Variants in NCAM2 observed in about 807,000 individuals in gnomAD.
NCAM2 encodes N-CAM-2.
A neutral mutation model predicts 98.1 loss-of-function variants in NCAM2; 30 were observed. The observed-to-expected ratio is 0.31, with a 90% CI of 0.23 to 0.41. The LOEUF (loss-of-function observed/expected upper bound fraction) is 0.41. NCAM2 is among the 10% of genes least tolerant of loss of function. The probability of loss-of-function intolerance (pLI) is 1.00; values close to 1 mark genes in which losing one functional copy is unlikely to be tolerated. For synonymous variants in NCAM2, 368 were observed against 342.4 expected (o/e 1.07, Z -0.83); for missense variants, 867 against 1,005.8 (o/e 0.86, Z 1.87).
intron 1 of NCAM2, among the ~76,000 whole-genome samples, chr21:21,238,694 G>A (rs1157431648): frequency 6.6e-6 from 1 of 152,082 alleles, no homozygotes; most frequent in African/African-American, 2.4e-5. Context: ...AAGAGTTAAA[G>A]CATGTAAAAA....
chr21:21,107,447 A>G (rs2066371813), intron 1 of NCAM2, among the ~76,000 whole-genome samples: 1 of 152,034 alleles, frequency 6.6e-6, no homozygotes, highest in Admixed American at 6.6e-5. Context: ...TGGTTTCACT[A>G]TTGAATAGGG....
chr21:21,288,041 A>T (rs752614092), intron 4 of NCAM2, among the ~76,000 whole-genome samples: 1 of 151,914 alleles, frequency 6.6e-6, no homozygotes, highest in South Asian at 2.1e-4. Context: ...AAAGTCTCTT[A>T]TATAAAAAGC....
Position 21,370,567 on chromosome 21 carries a change from TAG to T in NCAM2, c.1045-3295_1045-3294del, listed in dbSNP as rs555579662. On this transcript the variant is annotated intron_variant, in intron 8 of 17. Coordinates refer to ENST00000400546, the MANE Select transcript of NCAM2 (RefSeq NM_004540.5). Reference sequence around the variant, plus strand: ...TTCAATTTGAGTGAATGCATTTTTCTAGCCCCAGAACCCAGCAAAGTGTCTAT... The same window carrying T: ...TTCAATTTGAGTGAATGCATTTTTCTCCCCAGAACCCAGCAAAGTGTCTAT... 1.1e-4 allele frequency among the ~76,000 whole-genome samples: 17 copies of T among 151,950 alleles called. No homozygotes were observed. In the South Asian group the frequency reaches 3.5e-3, roughly 31 times the overall value.
At chr21:21,449,780 A>T (rs1006850018) in intron 12 of NCAM2, among the ~76,000 whole-genome samples, 2 of 152,060 alleles carry the variant, frequency 1.3e-5, no homozygotes, top group Admixed American at 1.3e-4. Context: ...CTAATCTTCT[A>T]TTTCAATAGT....
intron 5 of NCAM2, among the ~76,000 whole-genome samples, chr21:21,307,963 T>A (rs1039991971): frequency 2.6e-5 from 4 of 152,064 alleles, no homozygotes; most frequent in African/African-American, 9.7e-5. Context: ...AAAGTCTTTT[T>A]AAATCATGAT....
intron 15 of NCAM2, among the ~76,000 whole-genome samples, chr21:21,479,283 A>G (rs1473404322): frequency 6.6e-6 from 1 of 152,048 alleles, no homozygotes; most frequent in Non-Finnish European, 1.5e-5. Flanking sequence ...TGACTCTGCT[A>G]TCTTTGTAAG....
intron 1 of NCAM2, among the ~76,000 whole-genome samples, chr21:21,244,900 C>T (rs2826750): frequency 0.49 from 73,820 of 149,778 alleles, 18,782 homozygotes; most frequent in South Asian, 0.59. Flanking sequence ...ATGTGATATC[C>T]GTTAACTTCA....
At chr21:21,311,840 G>A (rs1386452779) in intron 5 of NCAM2, among the ~76,000 whole-genome samples, 1 of 151,944 alleles carries the variant, frequency 6.6e-6, no homozygotes, top group Non-Finnish European at 1.5e-5. Context: ...GATTTGATTT[G>A]GGGTGTTTTT....
chr21:21,105,529 C>CA (rs1443818393), intron 1 of NCAM2, among the ~76,000 whole-genome samples: 2 of 151,972 alleles, frequency 1.3e-5, no homozygotes, highest in African/African-American at 4.8e-5. Context: ...TGATTGCTTG[C>CA]AATCAACAAG....
At chr21:21,312,724 G>A (rs975011161) in intron 5 of NCAM2, among the ~76,000 whole-genome samples, 5 of 151,778 alleles carry the variant, frequency 3.3e-5, no homozygotes, top group African/African-American at 1.2e-4. Flanking sequence ...GCATAATGCT[G>A]TGTTCATAAA....
At chr21:21,439,228 C>T (rs753449883) in intron 12 of NCAM2, among the ~76,000 whole-genome samples, 7 of 151,834 alleles carry the variant, frequency 4.6e-5, no homozygotes, top group Non-Finnish European at 7.4e-5. Context: ...AAGCAATTCT[C>T]CTGCCTCAGC....
intron 1 of NCAM2, among the ~76,000 whole-genome samples, chr21:21,127,573 A>G (rs1569052647): frequency 1.3e-5 from 2 of 152,060 alleles, no homozygotes. Flanking sequence ...AAATATATTA[A>G]TATTTTTATA....
At chr21:21,024,603 G>A (rs890906629) in intron 1 of NCAM2, among the ~76,000 whole-genome samples, 2 of 152,152 alleles carry the variant, frequency 1.3e-5, no homozygotes, top group Admixed American at 6.5e-5. Flanking sequence ...GGGGCTGGGC[G>A]CGGTGGCTCA....
At chr21:21,131,472 C>T (rs1172480199) in intron 1 of NCAM2, among the ~76,000 whole-genome samples, 1 of 152,090 alleles carries the variant, frequency 6.6e-6, no homozygotes, top group Admixed American at 6.6e-5. Context: ...GGGGTTTCTC[C>T]TTGTTGGTCA....
chr21:21,385,382 A>T (rs2076246476), intron 9 of NCAM2, among the ~76,000 whole-genome samples: 1 of 141,414 alleles, frequency 7.1e-6, no homozygotes, highest in Non-Finnish European at 1.5e-5. Context: ...ACACACACAC[A>T]CACACACACA....
At chr21:21,387,173 TGCGCACACACACATACACAC>T (rs1457629064) in intron 9 of NCAM2, among the ~76,000 whole-genome samples, 1 of 132,780 alleles carries the variant, frequency 7.5e-6, no homozygotes, top group East Asian at 2.1e-4. Flanking sequence ...CTTTACTTGG[TGCGCACACACACATACACAC>T]ACACACACAC....
At chr21:21,324,317 A>G (rs2074454194) in intron 5 of NCAM2, 66 bp from the exon 6 acceptor site, 4 of 1,158,144 alleles carry the variant, frequency 3.5e-6, no homozygotes, top group Non-Finnish European at 4.9e-6. Context: ...TGTAGCAAAA[A>G]TTCTCTAAAT....
At chr21:21,157,578 A>T (rs2067653405) in intron 1 of NCAM2, among the ~76,000 whole-genome samples, 1 of 152,116 alleles carries the variant, frequency 6.6e-6, no homozygotes, top group Non-Finnish European at 1.5e-5. Flanking sequence ...GAAGGGGAGG[A>T]ATTAATTTAA....
chr21:21,417,167 C>T (rs570759117), intron 10 of NCAM2, among the ~76,000 whole-genome samples: 2 of 151,998 alleles, frequency 1.3e-5, no homozygotes, highest in South Asian at 4.1e-4. Context: ...TCAATAAACA[C>T]ATTCTTCTCT....
Sources: gnomAD v4.1 joint callset for allele counts (sites outside exome capture counted in the v4.1 genomes callset) on GRCh38, gnomAD v4.1.1 for gene constraint, MANE v1.5 for transcripts, NCBI Gene and HGNC (gene_info 2026-07-23, HGNC 2026-07-21) for gene names.